The following MEGF8 variants were observed in gnomAD, a reference collection of about 807,000 sequenced individuals.
The protein encoded by MEGF8 is multiple EGF like domains 8.
A neutral mutation model predicts 302.9 loss-of-function variants in MEGF8; 156 were observed. That is an observed-to-expected ratio of 0.52 (90% CI 0.45 to 0.59). The LOEUF (loss-of-function observed/expected upper bound fraction) is 0.59, where lower values mean the gene tolerates loss of function less well. Among genes scored for constraint, MEGF8 ranks in the 20% least tolerant of loss-of-function variants. The pLI, the probability that MEGF8 is intolerant of heterozygous loss-of-function variation, is 0.00. For missense variants in MEGF8, 3,345 were observed against 3,964.5 expected, an observed-to-expected ratio of 0.84 and a Z score of 4.20; for synonymous variants, 1,621 against 1,660.5, an observed-to-expected ratio of 0.98 and a Z score of 0.58.
At position 42,335,365 on chromosome 19, in the gene MEGF8, T is replaced by C. The variant is rs1218830475; in HGVS notation, c.808T>C (p.Trp270Arg). The stretch of plus-strand genomic sequence containing the variant: ...CTTCTCCGCCAACACCTGGGAGTCT[T>C]GGGACCTGAGTCCTGCCCCGGTATG... The part of the protein sequence containing the change: ...YNFSANTWES[W>R]DLSPAPAARH... Residue 270 changes from tryptophan to arginine, a missense_variant, in exon 5 of 42, where the codon TGG becomes CGG. Coordinates refer to ENST00000251268, the MANE Select transcript of MEGF8 (RefSeq NM_001271938.2). The C allele has an allele frequency of 3.7e-6, 6 of 1,613,908 alleles. No individual in the cohort carries two copies. The Admixed American group carries it at 8.3e-5, about 22-fold the overall frequency.
chr19:42,333,100 T>C (rs2039076345), intron 1 of MEGF8, among the ~76,000 whole-genome samples: 2 of 152,186 alleles, frequency 1.3e-5, no homozygotes, highest in Non-Finnish European at 2.9e-5. Flanking sequence ...AGGTTAGGCC[T>C]CTGTTCTGGG....
chr19:42,355,609 G>C (rs2039439572), intron 23 of MEGF8, 149 bp from the exon 24 acceptor site: 1 of 1,155,728 alleles, frequency 8.7e-7, no homozygotes, highest in Non-Finnish European at 1.2e-6. Flanking sequence ...GCTGAGGGAG[G>C]GGGTGCAGAA....
rs935843838 is a variant in MEGF8 at position 42,348,267 on chromosome 19, C to T, written c.2098-5C>T. 23 of 1,535,796 alleles carry T rather than the reference C, an allele frequency of 1.5e-5. No homozygotes were observed. The highest frequency in any genetic ancestry group is 1.9e-5 in the Non-Finnish European group (22 of 1,145,774). ...TCACACATACACCCATCCCTGGTGG[C>T]ACAGGTCTCAATTGTCCGCAGCACG... On this transcript the variant is annotated splice_polypyrimidine_tract_variant and splice_region_variant and intron_variant, in intron 12 of 41. Transcript: ENST00000251268.
In MEGF8 at chr19:42,375,936, C is replaced by T. The variant is rs762303782; in HGVS notation, c.7699C>T (p.Arg2567Trp). ...GPGAPAEPRV[R>W]EVWPRGLITY... ...GGGCGCCCCAGCAGAGCCACGGGTA[C>T]GGGAGGTATGGCCGCGGGGCCTGAT... Residue 2567 changes from arginine (R) to tryptophan (W), a missense_variant, in exon 42 of 42, where the codon CGG becomes TGG. By Grantham distance (101) the Arg-to-Trp change is moderately radical. Coordinates refer to ENST00000251268, the MANE Select transcript of MEGF8 (RefSeq NM_001271938.2). The surrounding 1 kb of genome is among the most constrained non-coding windows in gnomAD (Gnocchi z 7.1). 2.3e-5 allele frequency: 37 copies of T among 1,603,572 alleles called. No individual in the cohort carries two copies. Among genetic ancestry groups the T allele is most frequent in the Admixed American group, 6.7e-5 (4 of 59,372 alleles).
rs1311031160 is a variant in MEGF8 at position 42,351,479 on chromosome 19, G to A, written c.2906G>A (p.Cys969Tyr). The change falls in exon 17 of 42, where the codon TGC becomes TAC. Residue 969 changes from cysteine to tyrosine, a missense_variant. Transcript: ENST00000251268. This position sits in a 1 kb window ranked among gnomAD's most constrained non-coding sequence, Gnocchi z 5.6. ...GCCAACTCTAGCCAGTGCGCCTGGTGCCAGTCCACCCACACCTGCTTCCTG... is the reference window on the plus strand; with the variant it reads ...GCCAACTCTAGCCAGTGCGCCTGGTACCAGTCCACCCACACCTGCTTCCTG... Reference protein sequence around the residue: ...CLANSSQCAWCQSTHTCFLFA... With the variant: ...CLANSSQCAWYQSTHTCFLFA... 7.5e-6 allele frequency: 12 copies of A among 1,603,722 alleles called. No homozygotes were observed. Among genetic ancestry groups the A allele is most frequent in the Non-Finnish European group, 1.0e-5 (12 of 1,175,624 alleles).
At chr19:42,330,359 T>C (rs1417406732) in intron 1 of MEGF8, among the ~76,000 whole-genome samples, 3 of 152,218 alleles carry the variant, frequency 2.0e-5, no homozygotes, top group African/African-American at 4.8e-5. Flanking sequence ...AGGGAAGAAC[T>C]TGGGGAGGCA....
chr19:42,330,582 T>G (rs1238831175), intron 1 of MEGF8, among the ~76,000 whole-genome samples: 1 of 152,128 alleles, frequency 6.6e-6, no homozygotes, highest in Non-Finnish European at 1.5e-5. Context: ...GCTTCCAGCT[T>G]TAGTATTCTG....
chr19:42,356,696 G>T lies in MEGF8; in HGVS notation c.4623-78G>T, dbSNP rs2039457582. Reference sequence around the variant, plus strand: ...GGAAGGTCACCCCAGGGGATGCGGGGACATCTGTCAGGCAGGGTCACCTTG... The same window carrying T: ...GGAAGGTCACCCCAGGGGATGCGGGTACATCTGTCAGGCAGGGTCACCTTG... On this transcript the variant is annotated intron_variant, in intron 26 of 41. Coordinates refer to ENST00000251268, the MANE Select transcript of MEGF8 (RefSeq NM_001271938.2). The surrounding 1 kb of genome is among the most constrained non-coding windows in gnomAD (Gnocchi z 5.2). 6 of 1,417,000 alleles carry T rather than the reference G, an allele frequency of 4.2e-6. No individual in the cohort carries two copies. In the East Asian group the frequency reaches 1.5e-4, roughly 35 times the overall value. The allele number at this position is 1,417,000 out of a possible 1,614,324, so 87.8% of individuals were successfully genotyped here. A position where few individuals can be genotyped will look rare whatever the true frequency, so the allele number is the denominator to read the frequency against.
chr19:42,362,340 G>A, intron 33 of MEGF8, 44 bp from the exon 34 acceptor site: 1 of 1,612,862 alleles, frequency 6.2e-7, no homozygotes, highest in Non-Finnish European at 8.5e-7. Flanking sequence ...AGCTGGCTCA[G>A]GAGGGGTGCT....
chr19:42,339,933 C>T (rs1460132690), intron 8 of MEGF8, among the ~76,000 whole-genome samples: 1 of 152,164 alleles, frequency 6.6e-6, no homozygotes, highest in Non-Finnish European at 1.5e-5. Flanking sequence ...TGGCATGCGC[C>T]TGTAGTCCCA....
In MEGF8 at chr19:42,343,418, A is replaced by G. The variant is rs776581348; in HGVS notation, c.1514-59A>G. On this transcript the variant is annotated intron_variant, in intron 8 of 41. Transcript: ENST00000251268. Reference sequence around the variant, plus strand: ...CTGTGGCCCAGGAGAATCAGGAGCCATGGAGGTGGTGGAGGGGCTGGGGGT... The same window carrying G: ...CTGTGGCCCAGGAGAATCAGGAGCCGTGGAGGTGGTGGAGGGGCTGGGGGT... 1.3e-5 allele frequency: 19 copies of G among 1,518,070 alleles called. No homozygotes were observed. The South Asian group carries it at 2.0e-4, about 16-fold the overall frequency. 94.0% of individuals were successfully genotyped at this position (1,518,070 alleles called of 1,614,324 possible).
At chr19:42,335,419 T>C in intron 5 of MEGF8, 34 bp downstream of exon 5, 1 of 1,601,308 alleles carries the variant, frequency 6.2e-7, no homozygotes, top group Non-Finnish European at 8.6e-7. Context: ...GAGGAGCCTT[T>C]CCACTCAATC....
rs144945446 is a variant in MEGF8, at chr19:42,362,091, C to T, written c.5722C>T (p.Leu1908=). The T allele has an allele frequency of 1.0e-4, 168 of 1,611,902 alleles. No individual in the cohort carries two copies. Among genetic ancestry groups the T allele is most frequent in the Middle Eastern group, 1.7e-4 (1 of 5,954 alleles). Residue 1908 remains leucine (L), a splice_region_variant and synonymous_variant, in exon 33 of 42, where the codon CTG becomes TTG. Coordinates refer to ENST00000251268, the MANE Select transcript of MEGF8 (RefSeq NM_001271938.2). ...ACLSGDQAHR[L]GCGGSPCSPM... ...TGAGCCAGGCCTCATGTCCTTTAGG[C>T]TGGGCTGCGGGGGCTCCCCCTGCTC... is the stretch of plus-strand genomic sequence containing the variant.
Position 42,337,193 on chromosome 19 carries a change from A to G in MEGF8, c.1500A>G (p.Pro500=). The change falls in exon 8 of 42, where the codon CCA becomes CCG. Residue 500 remains proline, a synonymous_variant. Coordinates refer to ENST00000251268, the MANE Select transcript of MEGF8 (RefSeq NM_001271938.2). ...TGTCAGGAGCTGAGCTTGCCCCGCC[A>G]GGAACCCCTGAGGGTGAGTGGTCCC... ...QWVSGAELAP[P]GTPEGRAAPP... 1 of 1,613,800 alleles carries G rather than the reference A, an allele frequency of 6.2e-7. No homozygotes were observed. Among genetic ancestry groups the G allele is most frequent in the Non-Finnish European group, 8.5e-7 (1 of 1,179,878 alleles).
rs149354807 is a variant in MEGF8 at position 42,374,972 on chromosome 19, G to A, written c.7270-535G>A. On this transcript the variant is annotated intron_variant, in intron 41 of 41. Transcript: ENST00000251268. The stretch of plus-strand genomic sequence containing the variant: ...GGAGAACCATGCAGGCAGAGGGTCC[G>A]CCAGTGCAAAGGCCCCAGGGTGGGA... Among the ~76,000 whole-genome samples the A allele has an allele frequency of 4.4e-3, 674 of 152,252 alleles. 3 individuals are homozygous for A. Among genetic ancestry groups the A allele is most frequent in the Non-Finnish European group, 7.4e-3 (503 of 68,008 alleles).
At chr19:42,334,395 C>T (rs2039096212) in intron 3 of MEGF8, among the ~76,000 whole-genome samples, 182 bp downstream of exon 3, 1 of 151,820 alleles carries the variant, frequency 6.6e-6, no homozygotes, top group African/African-American at 2.4e-5. Flanking sequence ...CCAACCCCAC[C>T]CCACCTTCAC....
Position 42,376,804 on chromosome 19 carries a change from T to G in MEGF8, c.*29T>G. 1 of 1,423,394 alleles carries G rather than the reference T, an allele frequency of 7.0e-7. No homozygotes were observed. The highest frequency in any genetic ancestry group is 9.2e-7 in the Non-Finnish European group (1 of 1,092,322). 88.2% of individuals were successfully genotyped at this position (1,423,394 alleles called of 1,614,324 possible). A position where few individuals can be genotyped will look rare whatever the true frequency, so the allele number is the denominator to read the frequency against. On this transcript the variant is annotated 3_prime_UTR_variant, in exon 42 of 42. Coordinates refer to ENST00000251268, the MANE Select transcript of MEGF8 (RefSeq NM_001271938.2). This position sits in a 1 kb window ranked among gnomAD's most constrained non-coding sequence, Gnocchi z 8.2. Reference sequence around the variant, plus strand: ...GCCCAGGGTTCTCATCCACAGCAGCTGGGTCACCTGATAGGGCCGCCCTGG... The same window carrying G: ...GCCCAGGGTTCTCATCCACAGCAGCGGGGTCACCTGATAGGGCCGCCCTGG...
chr19:42,369,424 G>A lies in MEGF8; in HGVS notation c.6642-107G>A, dbSNP rs1350275560. On this transcript the variant is annotated intron_variant, in intron 37 of 41. Transcript: ENST00000251268. This position sits in a 1 kb window ranked among gnomAD's most constrained non-coding sequence, Gnocchi z 5.7. The stretch of plus-strand genomic sequence containing the variant: ...GAGAAGATAGCAACGGGACAGAGCA[G>A]GGATGAGCAACCAGTTGAGAAGAGG... The A allele has an allele frequency of 8.4e-7, 1 of 1,183,832 alleles. No individual in the cohort carries two copies. The highest frequency in any genetic ancestry group is 1.2e-6 in the Non-Finnish European group (1 of 837,950). 73.3% of individuals were successfully genotyped at this position (1,183,832 alleles called of 1,614,324 possible).
chr19:42,363,006 T>C (rs763387161), intron 34 of MEGF8, 42 bp from the exon 35 acceptor site: 2 of 1,550,242 alleles, frequency 1.3e-6, no homozygotes, highest in African/African-American at 2.7e-5. Context: ...GGGCTTGCGA[T>C]CTCCTGGGTC....
Sources: allele counts gnomAD v4.1 joint callset (sites outside exome capture counted in the v4.1 genomes callset), GRCh38; gene constraint gnomAD v4.1.1; non-coding constraint Gnocchi (gnomAD v3.1); transcripts MANE v1.5; gene names NCBI Gene and HGNC (gene_info 2026-07-23, HGNC 2026-07-21).